Variants in TPRG1 observed in about 807,000 individuals in gnomAD.
The protein encoded by TPRG1 is tumor protein p63 regulated 1.
TPRG1 carries 29 observed loss-of-function variants against 29.3 expected under a neutral mutation model. The observed-to-expected ratio is 0.99, with a 90% CI of 0.74 to 1.35. The LOEUF (loss-of-function observed/expected upper bound fraction) is 1.35. Among genes scored for constraint, TPRG1 ranks in the 40% most tolerant of loss-of-function variants. The probability of loss-of-function intolerance (pLI) is 0.00; values close to 1 mark genes in which losing one functional copy is unlikely to be tolerated. For missense variants in TPRG1, 327 were observed against 335.0 expected, an observed-to-expected ratio of 0.98 and a Z score of 0.19; for synonymous variants, 130 against 116.8, an observed-to-expected ratio of 1.11 and a Z score of -0.73.
upstream of TPRG1, among the ~76,000 whole-genome samples, chr3:189,171,163 G>A (rs951525444): frequency 3.3e-5 from 5 of 152,048 alleles, no homozygotes; most frequent in Admixed American, 2.6e-4. Flanking sequence ...TTTTAGCACC[G>A]TTGCTATGTC....
At chr3:189,015,246 G>T (rs1712867000) in intron 3 of TPRG1, among the ~76,000 whole-genome samples, 1 of 152,156 alleles carries the variant, frequency 6.6e-6, no homozygotes, top group Non-Finnish European at 1.5e-5. Flanking sequence ...ACCTGGGAGA[G>T]ATGATTTAGT....
chr3:189,264,108 C>G (rs1174500717), intron 4 of TPRG1, among the ~76,000 whole-genome samples: 1 of 152,184 alleles, frequency 6.6e-6, no homozygotes. Context: ...AATTCTCCCT[C>G]CAATTTGCTA....
At chr3:189,199,659 T>C (rs1250578595) in intron 1 of TPRG1, among the ~76,000 whole-genome samples, 2 of 152,034 alleles carry the variant, frequency 1.3e-5, no homozygotes, top group Non-Finnish European at 2.9e-5. Context: ...GCCAAAATGG[T>C]GAAACCCTGT....
At chr3:189,256,298 T>G (rs1711864609) in intron 4 of TPRG1, among the ~76,000 whole-genome samples, 1 of 152,216 alleles carries the variant, frequency 6.6e-6, no homozygotes, top group Non-Finnish European at 1.5e-5. Flanking sequence ...AGCAGATTGT[T>G]CAGTTTCCAT....
Position 189,187,115 on chromosome 3 carries a change from T to C in TPRG1, c.-10+14984T>C, listed in dbSNP as rs983777797. ...GATCCTCTCACCTCAGCCTCCTGAG[T>C]AGCTGGGATCACAGATTCGCACCAC... On this transcript the variant is annotated intron_variant, in intron 1 of 5. Coordinates refer to ENST00000345063, the MANE Select transcript of TPRG1 (RefSeq NM_198485.4). 7.3e-5 allele frequency among the ~76,000 whole-genome samples: 11 copies of C among 149,698 alleles called. No individual in the cohort carries two copies. In the Admixed American group the frequency reaches 7.4e-4, roughly 10 times the overall value.
intron 5 of TPRG1, among the ~76,000 whole-genome samples, chr3:189,317,640 C>T (rs1723748811): frequency 6.6e-6 from 1 of 152,276 alleles, no homozygotes; most frequent in Middle Eastern, 3.4e-3. Context: ...ACTTAAGACC[C>T]CTCTGCCTGA....
chr3:189,199,879 C>A (rs1733171046), intron 1 of TPRG1, among the ~76,000 whole-genome samples: 1 of 151,476 alleles, frequency 6.6e-6, no homozygotes, highest in Non-Finnish European at 1.5e-5. Context: ...GACTCCATCT[C>A]AAAAAAAACC....
chr3:189,026,215 C>A (rs1018630364), intron 4 of TPRG1, among the ~76,000 whole-genome samples: 5 of 152,160 alleles, frequency 3.3e-5, no homozygotes, highest in Admixed American at 2.0e-4. Context: ...CAACTGCCTC[C>A]TCCTCACTTT....
chr3:189,141,650 A>G (rs1350302620), intron 3 of TPRG1, among the ~76,000 whole-genome samples: 2 of 152,216 alleles, frequency 1.3e-5, no homozygotes, highest in African/African-American at 4.8e-5. Flanking sequence ...GCACTTTGAG[A>G]AGAGAATTTG....
chr3:189,121,990 T>C (rs1721870724), intron 1 of TPRG1: 1 of 152,006 alleles, frequency 6.6e-6, no homozygotes, highest in African/African-American at 2.4e-5. Flanking sequence ...CTAGTATTTA[T>C]ATACAATTTA....
intron 4 of TPRG1, among the ~76,000 whole-genome samples, chr3:189,270,017 ATCT>A (rs72453037): frequency 0.37 from 54,315 of 148,528 alleles, 10,493 homozygotes; most frequent in Middle Eastern, 0.46. Flanking sequence ...TCTTCTCTGG[ATCT>A]TCTTCTTCTT....
chr3:189,219,449 A>G (rs1736595428), intron 3 of TPRG1: 1 of 460,480 alleles, frequency 2.2e-6, no homozygotes, highest in South Asian at 2.3e-5. Context: ...TGTTATATAC[A>G]TCTATAAAGA....
chr3:189,196,939 TAAC>T (rs1732636855), intron 1 of TPRG1, among the ~76,000 whole-genome samples: 1 of 152,180 alleles, frequency 6.6e-6, no homozygotes. Context: ...ACAGTTGGTC[TAAC>T]AAGAAACTGA....
At chr3:189,284,243 C>T (rs934773671) in intron 4 of TPRG1, among the ~76,000 whole-genome samples, 4 of 151,366 alleles carry the variant, frequency 2.6e-5, no homozygotes, top group Middle Eastern at 3.4e-3. Context: ...GGTACATGTG[C>T]ACAACGTGCA....
In TPRG1 at chr3:189,051,401, C is replaced by T. The variant is rs528280523; in HGVS notation, c.-463+27455C>T. On this transcript the variant is annotated intron_variant, in intron 4 of 10. Transcript: ENST00000433971. ...TATACATAACAAAGGAGTTGAAAGA[C>T]TTCTGCAAGGAAAACTACGAAACAC... is the stretch of plus-strand genomic sequence containing the variant. Among the ~76,000 whole-genome samples, 8 of 152,078 alleles carry T rather than the reference C, an allele frequency of 5.3e-5. 1 individual carries two copies. Among genetic ancestry groups the T allele is most frequent in the Non-Finnish European group, 1.2e-4 (8 of 67,996 alleles).
chr3:189,201,395 C>A (rs61065225), intron 1 of TPRG1, among the ~76,000 whole-genome samples: 38 of 152,062 alleles, frequency 2.5e-4, no homozygotes, highest in African/African-American at 9.2e-4. Context: ...AGGAGACAGA[C>A]AGAACAAGTG....
At chr3:189,264,909 C>A (rs1205029464) in intron 4 of TPRG1, among the ~76,000 whole-genome samples, 1 of 152,128 alleles carries the variant, frequency 6.6e-6, no homozygotes, top group Non-Finnish European at 1.5e-5. Context: ...GCATAAGAAT[C>A]CCTGGGTGCA....
intron 3 of TPRG1, among the ~76,000 whole-genome samples, chr3:189,019,463 G>A (rs1713162698): frequency 6.6e-6 from 1 of 152,156 alleles, no homozygotes; most frequent in Non-Finnish European, 1.5e-5. Context: ...TTTTGTCAAA[G>A]GCCTTTTCTG....
intron 1 of TPRG1, among the ~76,000 whole-genome samples, chr3:189,193,622 T>C (rs1732071179): frequency 6.6e-6 from 1 of 151,804 alleles, no homozygotes; most frequent in South Asian, 2.1e-4. Context: ...GTTCTTTTTT[T>C]TTTTCTCTGA....
Sources: gnomAD v4.1 joint callset for allele counts (sites outside exome capture counted in the v4.1 genomes callset) on GRCh38, gnomAD v4.1.1 for gene constraint, MANE v1.5 for transcripts, NCBI Gene and HGNC (gene_info 2026-07-23, HGNC 2026-07-21) for gene names.